Variants in STKLD1 observed in about 807,000 individuals in gnomAD.
STKLD1 encodes serine/threonine kinase like domain containing 1, also known as serine/threonine kinase-like domain-containing protein STKLD1.
In STKLD1, 79 loss-of-function variants were observed where a neutral mutation model predicts 80.4. The observed-to-expected ratio is 0.98, with a 90% CI of 0.82 to 1.19. The LOEUF (loss-of-function observed/expected upper bound fraction) is 1.19. Among genes scored for constraint, STKLD1 ranks in the 50% most tolerant of loss-of-function variants. The pLI, the probability that STKLD1 is intolerant of heterozygous loss-of-function variation, is 0.00. For synonymous variants in STKLD1, 393 were observed against 357.6 expected (o/e 1.10, Z -1.12); for missense variants, 841 against 856.0 (o/e 0.98, Z 0.22).
chr9:133,395,807 T>G, intron 9 of STKLD1, 44 bp downstream of exon 9: 1 of 1,594,050 alleles, frequency 6.3e-7, no homozygotes, highest in Non-Finnish European at 8.6e-7. Flanking sequence ...GGATTTATCT[T>G]TCAACATCTC....
chr9:133,404,238 A>G (rs1838782979), intron 16 of STKLD1, among the ~76,000 whole-genome samples, 190 bp downstream of exon 16: 2 of 152,080 alleles, frequency 1.3e-5, no homozygotes, highest in Non-Finnish European at 2.9e-5. Flanking sequence ...CACTTGATAA[A>G]CTCTTGTCTC....
At position 133,389,378 on chromosome 9, in the gene STKLD1, T is replaced by C; in HGVS notation, c.397-148T>C. On this transcript the variant is annotated intron_variant, in intron 5 of 17. Coordinates refer to ENST00000371957, the MANE Select transcript of STKLD1 (RefSeq NM_153710.5). This position sits in a 1 kb window ranked among gnomAD's most constrained non-coding sequence, Gnocchi z 6.4. ...GGAGAGCCACCACGCTGAAGCCTCC[T>C]CCACCCTGAGCGCTTGGCTGGCTTC... 6.9e-7 allele frequency: 1 copy of C among 1,449,354 alleles called. No individual in the cohort carries two copies. Among genetic ancestry groups the C allele is most frequent in the African/African-American group, 1.4e-5 (1 of 70,658 alleles). The allele number at this position is 1,449,354 out of a possible 1,614,324, so 89.8% of individuals were successfully genotyped here.
Position 133,379,028 on chromosome 9 carries a change from G to A in STKLD1, c.88-8G>A, listed in dbSNP as rs2130259317. On this transcript the variant is annotated splice_region_variant and splice_polypyrimidine_tract_variant and intron_variant, in intron 1 of 17. Transcript: ENST00000371957. ...TTTCCTGAAAGCTTCTCTCTTCCTT[G>A]CTGATAGGTTTTGTACCAGCTGAAT... is the stretch of plus-strand genomic sequence containing the variant. 1.9e-6 allele frequency: 3 copies of A among 1,612,070 alleles called. No individual in the cohort carries two copies. The highest frequency in any genetic ancestry group is 8.5e-7 in the Non-Finnish European group (1 of 1,179,038).
chr9:133,402,281 G>A (rs191709566), intron 13 of STKLD1, among the ~76,000 whole-genome samples: 3 of 152,202 alleles, frequency 2.0e-5, no homozygotes, highest in Non-Finnish European at 4.4e-5. Context: ...CATACAGAGC[G>A]CTCACACCTT....
chr9:133,387,915 C>T (rs2130281295), intron 5 of STKLD1: 6 of 467,012 alleles, frequency 1.3e-5, no homozygotes, highest in Non-Finnish European at 2.1e-5. Flanking sequence ...GTGAGCCCCG[C>T]GGTGCTGCTG....
chr9:133,387,754 C>T (rs1033419719), intron 5 of STKLD1: 3 of 669,546 alleles, frequency 4.5e-6, no homozygotes, highest in Non-Finnish European at 8.3e-6. Flanking sequence ...AACTTCCACC[C>T]AGATCAAGAC....
chr9:133,387,814 A>G (rs2130280909), intron 5 of STKLD1: 2 of 588,620 alleles, frequency 3.4e-6, no homozygotes, highest in South Asian at 3.0e-5. Flanking sequence ...CCATGATTCC[A>G]GATTGTTCTG....
intron 4 of STKLD1, among the ~76,000 whole-genome samples, chr9:133,386,070 C>T (rs1238432465): frequency 1.3e-5 from 2 of 152,106 alleles, no homozygotes; most frequent in South Asian, 2.1e-4. Context: ...AGGCGCGTGC[C>T]ATGATGCCCG....
At chr9:133,404,252 G>A (rs139250458) in intron 16 of STKLD1, among the ~76,000 whole-genome samples, 163 of 152,310 alleles carry the variant, frequency 1.1e-3, no homozygotes, top group African/African-American at 3.6e-3. Flanking sequence ...TTGTCTCTGC[G>A]TTATGCTACC....
At chr9:133,395,522 T>G (rs587642755) in intron 8 of STKLD1, 78 bp from the exon 9 acceptor site, 4 of 1,490,336 alleles carry the variant, frequency 2.7e-6, no homozygotes, top group Non-Finnish European at 3.6e-6. Flanking sequence ...TCTTGGTCCC[T>G]GGTCGTCCCC....
chr9:133,381,594 G>C (rs2130266645), intron 2 of STKLD1, among the ~76,000 whole-genome samples: 2 of 151,574 alleles, frequency 1.3e-5, no homozygotes, highest in South Asian at 4.2e-4. Flanking sequence ...GGGATTACAG[G>C]CATGTGCCAC....
intron 7 of STKLD1, among the ~76,000 whole-genome samples, chr9:133,393,191 C>CATGCATGGATGG (rs1838453464): frequency 1.1e-5 from 1 of 90,666 alleles, no homozygotes; most frequent in South Asian, 4.6e-4. Context: ...TGGATGAGTG[C>CATGCATGGATGG]ATGGATGGAT....
chr9:133,389,298 G>T lies in STKLD1; in HGVS notation c.397-228G>T. 1 of 985,332 alleles carries T rather than the reference G, an allele frequency of 1.0e-6. No individual in the cohort carries two copies. Among genetic ancestry groups the T allele is most frequent in the Non-Finnish European group, 1.2e-6 (1 of 829,912 alleles). The allele number at this position is 985,332 out of a possible 1,614,324, so 61.0% of individuals were successfully genotyped here. On this transcript the variant is annotated intron_variant, in intron 5 of 17. Coordinates refer to ENST00000371957, the MANE Select transcript of STKLD1 (RefSeq NM_153710.5). The surrounding 1 kb of genome is among the most constrained non-coding windows in gnomAD (Gnocchi z 6.4). ...CAGGGTCTCTGGTATGGAGACAGCAGTGTGGAGTCTGGAAACTCAGAGTCC... is the reference window on the plus strand; with the variant it reads ...CAGGGTCTCTGGTATGGAGACAGCATTGTGGAGTCTGGAAACTCAGAGTCC...
rs1838369929 is a variant in STKLD1, at chr9:133,390,665, C to T, written c.468-16C>T. The T allele has an allele frequency of 1.2e-6, 2 of 1,607,040 alleles. No homozygotes were observed. The highest frequency in any genetic ancestry group is 1.7e-5 in the Admixed American group (1 of 59,942). ...GCCCCTTGGCATCCAGAGGCAAACC[C>T]ACCTCTTGGTTTCAGGAATCTCAAA... On this transcript the variant is annotated splice_polypyrimidine_tract_variant and intron_variant, in intron 6 of 17. Coordinates refer to ENST00000371957, the MANE Select transcript of STKLD1 (RefSeq NM_153710.5). This position sits in a 1 kb window ranked among gnomAD's most constrained non-coding sequence, Gnocchi z 5.1.
chr9:133,399,188 A>G lies in STKLD1; in HGVS notation c.1081+1133A>G, dbSNP rs781984869. Among the ~76,000 whole-genome samples the G allele has an allele frequency of 2.6e-5, 4 of 152,324 alleles. No individual in the cohort carries two copies. In the South Asian group the frequency reaches 8.3e-4, roughly 32 times the overall value. On this transcript the variant is annotated intron_variant, in intron 11 of 17. Coordinates refer to ENST00000371957, the MANE Select transcript of STKLD1 (RefSeq NM_153710.5). ...AACATTTGTGCCAAAACATGCTTTC[A>G]TAAAATCTTTCCATTCAACCTTTTT...
At chr9:133,377,330 G>A (rs2130253518) in intron 1 of STKLD1, among the ~76,000 whole-genome samples, 1 of 152,198 alleles carries the variant, frequency 6.6e-6, no homozygotes, top group East Asian at 1.9e-4. Flanking sequence ...AAGCTTGAAC[G>A]CTCTCACACC....
intron 1 of STKLD1, 147 bp downstream of exon 1, chr9:133,376,707 G>A: frequency 1.5e-6 from 1 of 646,708 alleles, no homozygotes; most frequent in Non-Finnish European, 2.6e-6. Flanking sequence ...GAACCCGGGG[G>A]GCCTCCAACG....
At chr9:133,387,592 G>A in intron 5 of STKLD1, 44 bp downstream of exon 5, 1 of 1,504,940 alleles carries the variant, frequency 6.6e-7, no homozygotes, top group Non-Finnish European at 9.2e-7. Context: ...ACCTAGACCT[G>A]TGACACAGGC....
chr9:133,395,771 C>A lies in STKLD1; in HGVS notation c.866+8C>A, dbSNP rs1554776641. The A allele has an allele frequency of 3.7e-6, 6 of 1,612,730 alleles. No homozygotes were observed. In the African/African-American group the frequency reaches 8.0e-5, roughly 22 times the overall value. ...GGATCGAATAACGATAAAGTGAGCTCAGGGTCGGGGTTTATTTTAACCTGT... is the reference window on the plus strand; with the variant it reads ...GGATCGAATAACGATAAAGTGAGCTAAGGGTCGGGGTTTATTTTAACCTGT... On this transcript the variant is annotated splice_region_variant and intron_variant, in intron 9 of 17. Transcript: ENST00000371957.
Sources: gnomAD v4.1 joint callset for allele counts (sites outside exome capture counted in the v4.1 genomes callset) on GRCh38, gnomAD v4.1.1 for gene constraint, Gnocchi (gnomAD v3.1) non-coding constraint, MANE v1.5 for transcripts, NCBI Gene and HGNC (gene_info 2026-07-23, HGNC 2026-07-21) for gene names.